The following ADISSP variants were observed in gnomAD, a reference collection of about 807,000 sequenced individuals.
ADISSP encodes the protein adipose secreted signaling protein, also known as adipose-secreted signaling protein.
chr20:3,753,854 AGAGAGGAGGAAGTGG>A, the ADISSP span: 2 of 591,980 alleles, frequency 3.4e-6, no homozygotes, highest in Non-Finnish European at 6.1e-6. Flanking sequence ...TGAGGCACAC[AGAGAGGAGGAAGTGG>A]GAGAGGAGGA....
At chr20:3,760,158 T>C in the ADISSP span, 1 of 1,419,150 alleles carries the variant, frequency 7.0e-7, no homozygotes, top group Non-Finnish European at 9.9e-7. Context: ...CTCAGCAGCC[T>C]CCCATGCTCC....
chr20:3,761,956 GT>G, the ADISSP span, among the ~76,000 whole-genome samples: 1 of 152,196 alleles, frequency 6.6e-6, no homozygotes, highest in South Asian at 2.1e-4. Flanking sequence ...TGACTGACCT[GT>G]TTTTTGTTTT....
At chr20:3,756,107 T>C in the ADISSP span, among the ~76,000 whole-genome samples, 1 of 152,178 alleles carries the variant, frequency 6.6e-6, no homozygotes, top group Non-Finnish European at 1.5e-5. Context: ...GCTCATAGGA[T>C]GACACCAGGC....
At chr20:3,760,047 T>C in the ADISSP span, 2 of 1,610,548 alleles carry the variant, frequency 1.2e-6, no homozygotes, top group Non-Finnish European at 1.7e-6. Flanking sequence ...CCGGAAGAGC[T>C]TGTGCAAGTC....
At chr20:3,754,864 G>C in the ADISSP span, among the ~76,000 whole-genome samples, 1 of 152,318 alleles carries the variant, frequency 6.6e-6, no homozygotes, top group Non-Finnish European at 1.5e-5. Context: ...TGAGGAGTGA[G>C]GGGGGCAGGG....
chr20:3,759,687 C>T, the ADISSP span, among the ~76,000 whole-genome samples: 1 of 152,110 alleles, frequency 6.6e-6, no homozygotes, highest in Non-Finnish European at 1.5e-5. The surrounding 1 kb of genome is among the most constrained non-coding windows in gnomAD (Gnocchi z 4.6). Context: ...GCCTAAAACC[C>T]TCCCTTATCC....
chr20:3,756,903 A>C, the ADISSP span, among the ~76,000 whole-genome samples: 1 of 152,208 alleles, frequency 6.6e-6, no homozygotes, highest in Non-Finnish European at 1.5e-5. Flanking sequence ...TTACTGACAC[A>C]GGTAGGAGAC....
At chr20:3,760,146 C>T in the ADISSP span, 1,145 of 1,484,562 alleles carry the variant, frequency 7.7e-4, 14 homozygotes, top group Middle Eastern at 1.1e-3. Flanking sequence ...CCGCCACTCA[C>T]GCTCAGCAGC....
At chr20:3,762,977 C>T in the ADISSP span, among the ~76,000 whole-genome samples, 1 of 152,070 alleles carries the variant, frequency 6.6e-6, no homozygotes, top group South Asian at 2.1e-4. Flanking sequence ...TGGGGGGTGC[C>T]GGGCGCTGCG....
the ADISSP span, among the ~76,000 whole-genome samples, chr20:3,763,852 C>T: frequency 2.0e-5 from 3 of 152,192 alleles, no homozygotes; most frequent in Non-Finnish European, 4.4e-5. Flanking sequence ...CCTCACCTCG[C>T]TCCCCACTTC....
chr20:3,762,969 G>C, the ADISSP span, among the ~76,000 whole-genome samples: 1 of 152,090 alleles, frequency 6.6e-6, no homozygotes, highest in Non-Finnish European at 1.5e-5. Context: ...AGACATTTTG[G>C]GGGGTGCCGG....
At chr20:3,753,865 A>C in the ADISSP span, 3 of 600,000 alleles carry the variant, frequency 5.0e-6, no homozygotes, top group Non-Finnish European at 9.0e-6. Flanking sequence ...GAGAGGAGGA[A>C]GTGGGAGAGG....
the ADISSP span, chr20:3,760,229 A>C: frequency 8.7e-6 from 6 of 688,298 alleles, no homozygotes; most frequent in Non-Finnish European, 1.5e-5. Flanking sequence ...AGGGCCACTC[A>C]TGGACCCATG....
the ADISSP span, among the ~76,000 whole-genome samples, chr20:3,755,017 T>C: frequency 3.3e-5 from 5 of 152,178 alleles, no homozygotes; most frequent in African/African-American, 1.2e-4. Flanking sequence ...CCCTAGCCTC[T>C]GCCAGGCTGG....
chr20:3,755,405 T>C, the ADISSP span: 3 of 1,520,972 alleles, frequency 2.0e-6, no homozygotes, highest in African/African-American at 4.1e-5. Flanking sequence ...TAGTTGGAAG[T>C]AAGGGAGCAC....
chr20:3,759,967 A>C, the ADISSP span: 10 of 1,430,510 alleles, frequency 7.0e-6, no homozygotes, highest in East Asian at 1.9e-4. The surrounding 1 kb of genome is among the most constrained non-coding windows in gnomAD (Gnocchi z 4.6). Flanking sequence ...ACACGCACTC[A>C]CACATGCACA....
At chr20:3,761,932 G>A in the ADISSP span, among the ~76,000 whole-genome samples, 1 of 152,236 alleles carries the variant, frequency 6.6e-6, no homozygotes, top group South Asian at 2.1e-4. Context: ...CAGAAGGCAG[G>A]ATATTCTACA....
At chr20:3,763,413 C>T in the ADISSP span, among the ~76,000 whole-genome samples, 1 of 151,258 alleles carries the variant, frequency 6.6e-6, no homozygotes, top group Non-Finnish European at 1.5e-5. Context: ...ACAAAATTAG[C>T]CAGGCGTGGT....
the ADISSP span, among the ~76,000 whole-genome samples, chr20:3,761,085 T>C: frequency 6.6e-6 from 1 of 152,204 alleles, no homozygotes; most frequent in East Asian, 1.9e-4. Context: ...GAGGAAGAAT[T>C]CAGCCTGTCT....
Sources: allele counts gnomAD v4.1 joint callset (sites outside exome capture counted in the v4.1 genomes callset), GRCh38; gene constraint gnomAD v4.1.1; non-coding constraint Gnocchi (gnomAD v3.1); transcripts MANE v1.5; gene names NCBI Gene and HGNC (gene_info 2026-07-23, HGNC 2026-07-21).